The following RIF1 variants were observed in gnomAD, a reference collection of about 807,000 sequenced individuals.
The protein encoded by RIF1 is telomere-associated protein RIF1.
RIF1 carries 45 observed loss-of-function variants against 247.1 expected under a neutral mutation model. The observed-to-expected ratio is 0.18, with a 90% CI of 0.14 to 0.23. The LOEUF (loss-of-function observed/expected upper bound fraction) is 0.23. Ranked by LOEUF, RIF1 falls within the 10% of genes least tolerant of loss-of-function variation. The pLI is 1.00. For synonymous variants in RIF1, 1,087 were observed against 978.8 expected (o/e 1.11, Z -2.06); for missense variants, 2,967 against 2,862.5 (o/e 1.04, Z -0.83).
chr2:151,494,014 C>A (rs771477598), intron 9 of RIF1: 7 of 876,134 alleles, frequency 8.0e-6, no homozygotes, highest in South Asian at 1.6e-5. Flanking sequence ...TAGTTAATGG[C>A]TACAGTAAAT....
At chr2:151,452,383 CTG>C (rs1694464927) in intron 21 of RIF1, among the ~76,000 whole-genome samples, 1 of 152,142 alleles carries the variant, frequency 6.6e-6, no homozygotes, top group Non-Finnish European at 1.5e-5. Context: ...TAGTGATAAT[CTG>C]TCATTAATGA....
rs988757939 is a variant in RIF1 at position 151,410,890 on chromosome 2, G to A, written c.104+363G>A. Among the ~76,000 whole-genome samples, 3 of 151,920 alleles carry A rather than the reference G, an allele frequency of 2.0e-5. No homozygotes were observed. In the East Asian group the frequency reaches 5.8e-4, roughly 29 times the overall value. ...AGTTTTTTTAACAGAGCAATACACTGATTTTTATTAATTGCAAAATGCTTC... is the reference window on the plus strand; with the variant it reads ...AGTTTTTTTAACAGAGCAATACACTAATTTTTATTAATTGCAAAATGCTTC... On this transcript the variant is annotated intron_variant, in intron 2 of 35. Coordinates refer to ENST00000444746, the MANE Select transcript of RIF1 (RefSeq NM_018151.5).
chr2:151,448,902 C>T (rs912993875), intron 20 of RIF1, among the ~76,000 whole-genome samples: 3 of 152,158 alleles, frequency 2.0e-5, no homozygotes, highest in African/African-American at 7.2e-5. Flanking sequence ...GTTAGGCTTT[C>T]TCCCTTTGTT....
At position 151,465,562 on chromosome 2, in the gene RIF1, G is replaced by T; in HGVS notation, c.6042G>T (p.Thr2014=). ...DVSDLHSSEE[T]NTKMKNNEEM... is the part of the protein sequence containing the mutation. Reference sequence around the variant, plus strand: ...CTGATCTACACTCATCTGAAGAAACGAATACCAAAATGAAAAATAATGAAG... The same window carrying T: ...CTGATCTACACTCATCTGAAGAAACTAATACCAAAATGAAAAATAATGAAG... The change falls in exon 30 of 36, where the codon ACG becomes ACT. Residue 2014 remains threonine (T), a synonymous_variant. Coordinates refer to ENST00000444746, the MANE Select transcript of RIF1 (RefSeq NM_018151.5). 6.2e-7 allele frequency: 1 copy of T among 1,613,796 alleles called. No homozygotes were observed.
At position 151,498,244 on chromosome 2, in the gene RIF1, T is replaced by G. The variant is rs1467569358; in HGVS notation, c.*514-1101T>G. ...TGAAGTTAAGTGGCATTTTTTCCCC[T>G]TTCTTTCCAAAATACCGAGCTAAGG... On this transcript the variant is annotated intron_variant and NMD_transcript_variant, in intron 10 of 13. Coordinates refer to the RIF1 transcript ENST00000454583. The G allele has an allele frequency of 4.5e-6, 7 of 1,550,730 alleles. No individual in the cohort carries two copies. In the Admixed American group the frequency reaches 1.2e-4, roughly 26 times the overall value.
At chr2:151,491,436 A>C (rs1473757725) in intron 9 of RIF1, 3 of 343,994 alleles carry the variant, frequency 8.7e-6, no homozygotes, top group Non-Finnish European at 1.6e-5. Flanking sequence ...TTTTCTTTGG[A>C]AGAAAAATTA....
At chr2:151,501,588 A>C (rs1211215375) in intron 11 of RIF1, 1 of 541,144 alleles carries the variant, frequency 1.8e-6, no homozygotes, top group African/African-American at 1.9e-5. Context: ...TGTTGTTTTT[A>C]TGATGAAGTA....
At chr2:151,473,817 A>C in intron 34 of RIF1, 147 bp from the exon 35 acceptor site, 1 of 602,782 alleles carries the variant, frequency 1.7e-6, no homozygotes, top group Non-Finnish European at 3.0e-6. Context: ...CTTTCTTAGC[A>C]GTATTAGCTC....
chr2:151,421,888 G>T (rs947933747), intron 7 of RIF1, among the ~76,000 whole-genome samples: 1 of 150,688 alleles, frequency 6.6e-6, no homozygotes, highest in African/African-American at 2.4e-5. Context: ...AGGCTGGAGT[G>T]CAGTGGCGCA....
intron 9 of RIF1, among the ~76,000 whole-genome samples, chr2:151,487,387 C>T (rs1425304206): frequency 6.6e-6 from 1 of 152,180 alleles, no homozygotes; most frequent in Non-Finnish European, 1.5e-5. Flanking sequence ...TTGAAATTCA[C>T]ATGCATATAT....
chr2:151,414,759 C>G (rs1365393465), intron 3 of RIF1, 64 bp from the exon 4 acceptor site: 26 of 1,124,052 alleles, frequency 2.3e-5, no homozygotes, highest in Non-Finnish European at 3.0e-5. Context: ...TAATCAACTT[C>G]TGCTTTCTAA....
At chr2:151,485,211 G>A (rs1184540206), downstream of RIF1, 1 of 152,096 alleles carries the variant, frequency 6.6e-6, no homozygotes, top group Non-Finnish European at 1.5e-5. Context: ...TCTACTCTTA[G>A]GCATAACAGT....
Position 151,423,019 on chromosome 2 carries a change from T to C in RIF1, c.763T>C (p.Leu255=). The change falls in exon 8 of 36, where the codon TTG becomes CTG. Residue 255 remains leucine, a synonymous_variant. Transcript: ENST00000444746. ...NETYVLKLWP[L]FVKLLGRTLH... is the part of the protein sequence containing the mutation. The stretch of plus-strand genomic sequence containing the variant: ...GACTTACGTGTTAAAATTATGGCCT[T>C]TGTTTGTCAAACTACTTGGAAGGGT... 1 of 1,589,568 alleles carries C rather than the reference T, an allele frequency of 6.3e-7. No individual in the cohort carries two copies. The highest frequency in any genetic ancestry group is 8.6e-7 in the Non-Finnish European group (1 of 1,158,794).
intron 9 of RIF1, chr2:151,491,475 G>T: frequency 2.2e-6 from 1 of 464,602 alleles, no homozygotes; most frequent in East Asian, 3.8e-5. Flanking sequence ...GACATGCACT[G>T]AGGCAGTGAA....
chr2:151,438,891 T>G (rs1691738663), intron 14 of RIF1, 145 bp downstream of exon 14: 2 of 573,914 alleles, frequency 3.5e-6, no homozygotes, highest in Non-Finnish European at 6.3e-6. Context: ...GTTTTTAATT[T>G]GTAGTTAATG....
chr2:151,498,454 T>C (rs2061847104), intron 10 of RIF1: 3 of 762,528 alleles, frequency 3.9e-6, no homozygotes, highest in Non-Finnish European at 6.3e-6. Flanking sequence ...GAGAGTAAGT[T>C]AGAGGAAGAG....
intron 6 of RIF1, among the ~76,000 whole-genome samples, chr2:151,418,432 T>C (rs1334418103): frequency 1.3e-5 from 2 of 151,132 alleles, no homozygotes; most frequent in Non-Finnish European, 3.0e-5. Context: ...GTTGAACTCC[T>C]GACCTCAGGT....
chr2:151,510,647 GTTCTA>G (rs530915015), downstream of RIF1, among the ~76,000 whole-genome samples: 23 of 152,176 alleles, frequency 1.5e-4, no homozygotes, highest in South Asian at 4.6e-3. Flanking sequence ...TGTTATAATT[GTTCTA>G]TTTTATTAGT....
At chr2:151,495,570 C>G (rs2059636295) in intron 10 of RIF1, among the ~76,000 whole-genome samples, 1 of 152,118 alleles carries the variant, frequency 6.6e-6, no homozygotes, top group African/African-American at 2.4e-5. Context: ...AACCTCAATC[C>G]CTAGGTAATT....
Sources: allele counts gnomAD v4.1 joint callset (sites outside exome capture counted in the v4.1 genomes callset), GRCh38; gene constraint gnomAD v4.1.1; transcripts MANE v1.5; gene names NCBI Gene and HGNC (gene_info 2026-07-23, HGNC 2026-07-21).